Variants in GOLGB1 observed in about 807,000 individuals in gnomAD.
GOLGB1 encodes golgin subfamily B member 1.
A neutral mutation model predicts 336.9 loss-of-function variants in GOLGB1; 174 were observed. The ratio of observed to expected loss-of-function variants is 0.52; its 90% CI spans 0.46 to 0.59. The LOEUF is 0.59. GOLGB1 is among the 20% of genes least tolerant of loss of function. GOLGB1 has a pLI of 0.00. For missense variants in GOLGB1, 3,331 were observed against 3,645.3 expected (o/e 0.91, Z 2.22); for synonymous variants, 1,208 against 1,289.2 (o/e 0.94, Z 1.35).
At chr3:121,676,585 T>C (rs980695333) in intron 17 of GOLGB1, among the ~76,000 whole-genome samples, 5 of 152,112 alleles carry the variant, frequency 3.3e-5, no homozygotes, top group Non-Finnish European at 5.9e-5. Flanking sequence ...GAGGGTGGGG[T>C]AGGGAGTAGC....
chr3:121,681,802 G>T lies in GOLGB1; in HGVS notation c.8758C>A (p.His2920Asn). Reference protein sequence around the residue: ...LQINQEITELHPLKAQLQEYQ... With the variant: ...LQINQEITELNPLKAQLQEYQ... Reference sequence around the variant, plus strand: ...TCCTGAAGTTGAGCCTTCAGTGGATGTAACTCAGTGATCTCTTGATTAATC... The same window carrying T: ...TCCTGAAGTTGAGCCTTCAGTGGATTTAACTCAGTGATCTCTTGATTAATC... Residue 2920 changes from histidine (H) to asparagine (N), a missense_variant, in exon 15 of 22, where the codon CAT (histidine) becomes AAT (asparagine). Coordinates refer to ENST00000614479, the MANE Select transcript of GOLGB1 (RefSeq NM_001366282.2). 6.2e-7 allele frequency: 1 copy of T among 1,601,076 alleles called. No homozygotes were observed. Among genetic ancestry groups the T allele is most frequent in the Non-Finnish European group, 8.6e-7 (1 of 1,168,314 alleles).
chr3:121,724,577 T>C (rs575077603), intron 5 of GOLGB1, among the ~76,000 whole-genome samples: 2 of 139,422 alleles, frequency 1.4e-5, no homozygotes, highest in African/African-American at 5.2e-5. Context: ...AAAAAAAAAA[T>C]TGGAAAATTT....
intron 17 of GOLGB1, among the ~76,000 whole-genome samples, chr3:121,673,035 T>C (rs776274468): frequency 4.6e-5 from 7 of 152,204 alleles, no homozygotes; most frequent in Admixed American, 1.3e-4. Context: ...GGTAGTGTGA[T>C]GCTTCCAGCT....
Position 121,722,264 on chromosome 3 carries a change from G to C in GOLGB1, c.646C>G (p.Gln216Glu), listed in dbSNP as rs545702171. 2 of 1,573,008 alleles carry C rather than the reference G, an allele frequency of 1.3e-6. No homozygotes were observed. Among genetic ancestry groups the C allele is most frequent in the East Asian group, 4.5e-5 (2 of 44,666 alleles). ...LSQTQAEQAA[Q>E]LSSMQQVVRE... Reference sequence around the variant, plus strand: ...TCCTAATTTTGTGAGGTCCCTACCTGTGCAGCTTGCTCTGCCTGTGTCTGG... The same window carrying C: ...TCCTAATTTTGTGAGGTCCCTACCTCTGCAGCTTGCTCTGCCTGTGTCTGG... Residue 216 changes from glutamine to glutamate, a missense_variant and splice_region_variant, in exon 6 of 22, where the codon CAG becomes GAG. By Grantham distance (29) the Gln-to-Glu change is conservative (BLOSUM62 2). Coordinates refer to ENST00000614479, the MANE Select transcript of GOLGB1 (RefSeq NM_001366282.2).
chr3:121,682,779 A>G (rs71329232), intron 14 of GOLGB1, among the ~76,000 whole-genome samples: 1 of 152,302 alleles, frequency 6.6e-6, no homozygotes, highest in Non-Finnish European at 1.5e-5. Flanking sequence ...AACAGGAAAA[A>G]CAATAGAGGA....
In GOLGB1 at chr3:121,722,337, C is replaced by T. The variant is rs1161006988; in HGVS notation, c.573G>A (p.Gln191=). Residue 191 remains glutamine, a synonymous_variant, in exon 6 of 22, where the codon CAG becomes CAA. Coordinates refer to ENST00000614479, the MANE Select transcript of GOLGB1 (RefSeq NM_001366282.2). ...TAATGAATTCTTCCTTCTCCTGGAG[C>T]TGTTGCTTCATCATTACAAATTCTT... ...EMEEFVMMKQ[Q]LQEKEEFIST... is the part of the protein sequence containing the mutation. 1 of 1,611,812 alleles carries T rather than the reference C, an allele frequency of 6.2e-7. No homozygotes were observed. The highest frequency in any genetic ancestry group is 8.5e-7 in the Non-Finnish European group (1 of 1,177,918).
chr3:121,694,544 C>T lies in GOLGB1; in HGVS notation c.5979G>A (p.Lys1993=), dbSNP rs138930273. 1 of 1,612,612 alleles carries T rather than the reference C, an allele frequency of 6.2e-7. No individual in the cohort carries two copies. The highest frequency in any genetic ancestry group is 8.5e-7 in the Non-Finnish European group (1 of 1,179,832). The change falls in exon 13 of 22, where the codon AAG becomes AAA. Residue 1993 remains lysine, a synonymous_variant. Transcript: ENST00000614479. ...CACCTTGTATTTTCTCCAAATATTC[C>T]TTTCGTATTTCTGATTCCACCTTAG... ...EKTKVESEIR[K]EYLEKIQGAQ... is the part of the protein sequence containing the mutation.
At chr3:121,737,081 A>G (rs1946524212) in intron 1 of GOLGB1, among the ~76,000 whole-genome samples, 1 of 152,210 alleles carries the variant, frequency 6.6e-6, no homozygotes. Flanking sequence ...AAATGCTAAC[A>G]TTAGAGGATG....
chr3:121,685,491 C>T (rs3966063), intron 14 of GOLGB1, among the ~76,000 whole-genome samples: 19,125 of 151,522 alleles, frequency 0.13, 1,425 homozygotes, highest in African/African-American at 0.19. Flanking sequence ...GCTGAGATGG[C>T]GCCACTGCAC....
At chr3:121,749,192 T>G (rs1280704692) in intron 1 of GOLGB1, 1 of 152,248 alleles carries the variant, frequency 6.6e-6, no homozygotes, top group Non-Finnish European at 1.5e-5. Context: ...CGCCTCCCCT[T>G]CGGGACACCA....
Position 121,663,889 on chromosome 3 carries a change from A to G in GOLGB1, c.*591T>C, listed in dbSNP as rs541750765. 1.3e-5 allele frequency: 2 copies of G among 153,288 alleles called. No homozygotes were observed. Among genetic ancestry groups the G allele is most frequent in the Admixed American group, 1.3e-4 (2 of 15,492 alleles). The allele number at this position is 153,288 out of a possible 1,614,324, so 9.5% of individuals were successfully genotyped here. On this transcript the variant is annotated 3_prime_UTR_variant, in exon 22 of 22. Coordinates refer to ENST00000614479, the MANE Select transcript of GOLGB1 (RefSeq NM_001366282.2). ...CAATTATATCTGAAATTGGCAGGGA[A>G]GAAGATGCTGTCCTCCCATGTGATC... is the stretch of plus-strand genomic sequence containing the variant.
At chr3:121,739,896 G>A (rs1410837229) in intron 1 of GOLGB1, among the ~76,000 whole-genome samples, 2 of 152,140 alleles carry the variant, frequency 1.3e-5, no homozygotes, top group Non-Finnish European at 2.9e-5. Flanking sequence ...ACGAACTACT[G>A]ATGGACCCAA....
chr3:121,738,882 A>C (rs1946663911), intron 1 of GOLGB1, among the ~76,000 whole-genome samples: 1 of 152,216 alleles, frequency 6.6e-6, no homozygotes, highest in Admixed American at 6.5e-5. Context: ...AATGTCTGAA[A>C]ATAGCACAAG....
chr3:121,702,586 C>T lies in GOLGB1; in HGVS notation c.1414G>A (p.Glu472Lys). 6.9e-7 allele frequency: 1 copy of T among 1,455,442 alleles called. No homozygotes were observed. Among genetic ancestry groups the T allele is most frequent in the Non-Finnish European group, 9.2e-7 (1 of 1,084,070 alleles). 90.2% of individuals were successfully genotyped at this position (1,455,442 alleles called of 1,614,324 possible). A position where few individuals can be genotyped will look rare whatever the true frequency, so the allele number is the denominator to read the frequency against. The change falls in exon 11 of 22, where the codon GAG becomes AAG. Residue 472 changes from glutamate to lysine, a missense_variant. Glu to Lys is a moderately conservative substitution (Grantham distance 56). Transcript: ENST00000614479. Reference sequence around the variant, plus strand: ...TTCTGCAAAGAAGCAATATTCTCCTCAGTGACTGCCTAAATTGTAGAAAGA... The same window carrying T: ...TTCTGCAAAGAAGCAATATTCTCCTTAGTGACTGCCTAAATTGTAGAAAGA... ...VYNEGTQAVTEENIASLQKRV... is the reference protein window; with the variant it reads ...VYNEGTQAVTKENIASLQKRV...
Position 121,730,862 on chromosome 3 carries a change from A to G in GOLGB1, c.96+14T>C. The G allele has an allele frequency of 6.2e-7, 1 of 1,605,790 alleles. No homozygotes were observed. The highest frequency in any genetic ancestry group is 8.5e-7 in the Non-Finnish European group (1 of 1,176,648). Reference sequence around the variant, plus strand: ...ATATGTCTTACCAGTTTAAATCAGAACAGAACTACTCACAGGGTCTAGGGG... The same window carrying G: ...ATATGTCTTACCAGTTTAAATCAGAGCAGAACTACTCACAGGGTCTAGGGG... On this transcript the variant is annotated intron_variant, in intron 2 of 21. Coordinates refer to ENST00000614479, the MANE Select transcript of GOLGB1 (RefSeq NM_001366282.2).
intron 1 of GOLGB1, among the ~76,000 whole-genome samples, chr3:121,745,554 A>G (rs1947228479): frequency 6.6e-6 from 1 of 151,838 alleles, no homozygotes; most frequent in Admixed American, 6.6e-5. Context: ...ATACATATGT[A>G]TACGTGTATG....
chr3:121,717,343 C>T (rs541934655), intron 8 of GOLGB1, among the ~76,000 whole-genome samples: 1 of 152,172 alleles, frequency 6.6e-6, no homozygotes. Flanking sequence ...CCCAGAAAAA[C>T]AAACAGAGAA....
Position 121,716,693 on chromosome 3 carries a change from T to A in GOLGB1, c.1288+44A>T, listed in dbSNP as rs368072573. 1.5e-3 allele frequency: 2,262 copies of A among 1,469,698 alleles called. 3 individuals are homozygous for A. Among genetic ancestry groups the A allele is most frequent in the Non-Finnish European group, 1.9e-3 (2,053 of 1,080,874 alleles). The allele number at this position is 1,469,698 out of a possible 1,614,324, so 91.0% of individuals were successfully genotyped here. ...CCTGAAAATATGAAATACAAGCCACTCAGATGGTAGAGATGTGGACTTCAA... is the reference window on the plus strand; with the variant it reads ...CCTGAAAATATGAAATACAAGCCACACAGATGGTAGAGATGTGGACTTCAA... On this transcript the variant is annotated intron_variant, in intron 9 of 21. Coordinates refer to ENST00000614479, the MANE Select transcript of GOLGB1 (RefSeq NM_001366282.2).
intron 20 of GOLGB1, 102 bp from the exon 21 acceptor site, chr3:121,665,133 G>A: frequency 1.5e-6 from 1 of 681,038 alleles, no homozygotes; most frequent in Non-Finnish European, 2.6e-6. Flanking sequence ...AGCACAGGAG[G>A]AGACTTGCAG....
Sources: gnomAD v4.1 joint callset for allele counts (sites outside exome capture counted in the v4.1 genomes callset) on GRCh38, gnomAD v4.1.1 for gene constraint, MANE v1.5 for transcripts, NCBI Gene and HGNC (gene_info 2026-07-23, HGNC 2026-07-21) for gene names.